Variants in C4BPA observed in about 807,000 individuals in gnomAD.
C4BPA encodes complement component 4 binding protein alpha, also known as C4b-binding protein alpha chain.
A neutral mutation model predicts 63.7 loss-of-function variants in C4BPA; 31 were observed. The observed-to-expected ratio is 0.49, with a 90% CI of 0.37 to 0.66. C4BPA has a LOEUF of 0.66. C4BPA is among the 30% of genes least tolerant of loss of function. The pLI is 0.00. For missense variants in C4BPA, 572 were observed against 723.3 expected, an observed-to-expected ratio of 0.79 and a Z score of 2.40; for synonymous variants, 259 against 254.7, an observed-to-expected ratio of 1.02 and a Z score of -0.16.
At chr1:207,118,147 C>T (rs1684843095) in intron 4 of C4BPA, among the ~76,000 whole-genome samples, 1 of 91,174 alleles carries the variant, frequency 1.1e-5, no homozygotes, top group South Asian at 4.8e-4. Context: ...GTCTGTCTGT[C>T]TGTCTGTCTG....
At chr1:207,107,018 G>A (rs1040977981) in intron 1 of C4BPA, among the ~76,000 whole-genome samples, 1 of 152,080 alleles carries the variant, frequency 6.6e-6, no homozygotes, top group Non-Finnish European at 1.5e-5. Context: ...AATGTATTTC[G>A]GGAGGCAAAA....
chr1:207,122,972 T>A (rs1230977660), intron 4 of C4BPA, among the ~76,000 whole-genome samples: 4 of 152,108 alleles, frequency 2.6e-5, no homozygotes, highest in African/African-American at 9.7e-5. Context: ...GTTACCTATA[T>A]CTATTAGTTT....
At chr1:207,120,516 A>G (rs1249234609) in intron 4 of C4BPA, among the ~76,000 whole-genome samples, 2 of 152,112 alleles carry the variant, frequency 1.3e-5, no homozygotes, top group Non-Finnish European at 2.9e-5. Flanking sequence ...TGTAATTCCA[A>G]CACTTTGAGA....
chr1:207,121,535 A>G lies in C4BPA; in HGVS notation c.429-2387A>G, dbSNP rs1329077071. Among the ~76,000 whole-genome samples the G allele has an allele frequency of 3.3e-5, 5 of 152,066 alleles. No individual in the cohort carries two copies. The East Asian group carries it at 7.7e-4, about 23-fold the overall frequency. On this transcript the variant is annotated intron_variant, in intron 4 of 11. Coordinates refer to ENST00000367070, the MANE Select transcript of C4BPA (RefSeq NM_000715.4). ...TTTAGGTTTGTCTCCTGTATATAAC[A>G]GAGCTGAATTTTCTCCAATTAAAAG...
rs1032711716 is a variant in C4BPA, at chr1:207,104,311, AT to A, written c.-143del. The A allele has an allele frequency of 6.6e-6, 1 of 152,230 alleles. No individual in the cohort carries two copies. The highest frequency in any genetic ancestry group is 2.4e-5 in the African/African-American group (1 of 41,456). The allele number at this position is 152,230 out of a possible 1,614,324, so 9.4% of individuals were successfully genotyped here. A position where few individuals can be genotyped will look rare whatever the true frequency, so the allele number is the denominator to read the frequency against. On this transcript the variant is annotated 5_prime_UTR_variant, in exon 1 of 12. An upstream open reading frame in the 5' UTR gains an earlier in-frame stop. Coordinates refer to ENST00000367070, the MANE Select transcript of C4BPA (RefSeq NM_000715.4). The stretch of plus-strand genomic sequence containing the variant: ...AGCAATTACCAGTCAACTTCAGGGT[AT>A]TATGATAAACTCTGATCTGGGGAGG...
Position 207,141,286 on chromosome 1 carries a change from G to C in C4BPA, c.1444+10G>C, listed in dbSNP as rs1209065302. ...GCCCCTCAATGTAAAGGTAACTCCA[G>C]CTTCCTTTTCAGCTCAAGATTAAGT... is the stretch of plus-strand genomic sequence containing the variant. On this transcript the variant is annotated intron_variant, in intron 10 of 11. Transcript: ENST00000367070. 10 of 1,608,836 alleles carry C rather than the reference G, an allele frequency of 6.2e-6. No homozygotes were observed. The highest frequency in any genetic ancestry group is 8.5e-6 in the Non-Finnish European group (10 of 1,178,028).
chr1:207,132,545 A>G (rs1685184202), intron 8 of C4BPA, among the ~76,000 whole-genome samples: 1 of 152,244 alleles, frequency 6.6e-6, no homozygotes, highest in African/African-American at 2.4e-5. Context: ...TCAACCTGTC[A>G]GAAGATTACT....
At chr1:207,127,366 A>C (rs2102344126) in intron 7 of C4BPA, 1 of 152,406 alleles carries the variant, frequency 6.6e-6, no homozygotes, top group East Asian at 1.9e-4. Context: ...CTCGTGGATT[A>C]TTAAAAATAA....
chr1:207,115,559 A>G (rs767682457), intron 4 of C4BPA, 44 bp downstream of exon 4: 1 of 1,030,588 alleles, frequency 9.7e-7, no homozygotes. Flanking sequence ...ATATTTATTT[A>G]AAAAATAGCT....
At chr1:207,137,327 G>A (rs766595667) in intron 9 of C4BPA, among the ~76,000 whole-genome samples, 1 of 152,200 alleles carries the variant, frequency 6.6e-6, no homozygotes, top group Non-Finnish European at 1.5e-5. Context: ...TTAAGGACGC[G>A]CCTGCGACAG....
Position 207,141,319 on chromosome 1 carries a change from C to T in C4BPA, c.1444+43C>T, listed in dbSNP as rs113069557. 2.8e-3 allele frequency: 4,391 copies of T among 1,542,664 alleles called. 121 individuals are homozygous for T. The African/African-American group carries it at 0.052, about 18-fold the overall frequency. On this transcript the variant is annotated intron_variant, in intron 10 of 11. Coordinates refer to ENST00000367070, the MANE Select transcript of C4BPA (RefSeq NM_000715.4). Reference sequence around the variant, plus strand: ...TTCAGCTCAAGATTAAGTGGGTGGACGTGTCCTGAGAGCACTGAGAGCTAA... The same window carrying T: ...TTCAGCTCAAGATTAAGTGGGTGGATGTGTCCTGAGAGCACTGAGAGCTAA...
chr1:207,124,930 G>A (rs776317202), intron 6 of C4BPA, among the ~76,000 whole-genome samples: 28 of 152,252 alleles, frequency 1.8e-4, no homozygotes, highest in East Asian at 5.8e-4. Flanking sequence ...TTCAAGAAGC[G>A]GAAATGAAAA....
intron 4 of C4BPA, among the ~76,000 whole-genome samples, chr1:207,118,133 A>ATCTGTCTG (rs60535065): frequency 5.2e-4 from 51 of 98,902 alleles, no homozygotes; most frequent in South Asian, 4.4e-3. Context: ...TCTATCATCT[A>ATCTGTCTG]TCTGTCTGTC....
chr1:207,121,479 T>G (rs1240313147), intron 4 of C4BPA, among the ~76,000 whole-genome samples: 1 of 152,062 alleles, frequency 6.6e-6, no homozygotes, highest in Non-Finnish European at 1.5e-5. Flanking sequence ...AATTTTATGC[T>G]GTCTTTTATT....
At chr1:207,136,083 T>C (rs1685274232) in intron 9 of C4BPA, among the ~76,000 whole-genome samples, 1 of 152,188 alleles carries the variant, frequency 6.6e-6, no homozygotes, top group South Asian at 2.1e-4. Context: ...TCCAATGTAG[T>C]CAACTTGCTA....
chr1:207,126,981 C>T (rs1558092952), intron 7 of C4BPA, 86 bp downstream of exon 7: 2 of 890,140 alleles, frequency 2.2e-6, no homozygotes, highest in South Asian at 1.9e-5. Flanking sequence ...CATGCATAGG[C>T]CTACTATGAA....
Position 207,104,350 on chromosome 1 carries a change from A to G in C4BPA, c.-106A>G, listed in dbSNP as rs193238186. On this transcript the variant is annotated 5_prime_UTR_variant, in exon 1 of 12. Coordinates refer to ENST00000367070, the MANE Select transcript of C4BPA (RefSeq NM_000715.4). ...TGATCTGGGGAGGAACCAGGACTAC[A>G]TAGATCAAGGCAGTTTTCTTCTTTG... The G allele has an allele frequency of 1.3e-5, 2 of 152,226 alleles. No individual in the cohort carries two copies. The highest frequency in any genetic ancestry group is 4.8e-5 in the African/African-American group (2 of 41,460). The allele number at this position is 152,226 out of a possible 1,614,324, so 9.4% of individuals were successfully genotyped here.
chr1:207,144,338 C>T (rs1685485134), intron 11 of C4BPA, among the ~76,000 whole-genome samples: 1 of 152,150 alleles, frequency 6.6e-6, no homozygotes, highest in African/African-American at 2.4e-5. Flanking sequence ...CCATGGGGGC[C>T]TTCTGGACAG....
rs1258396599 is a variant in C4BPA at position 207,113,015 on chromosome 1, A to G, written c.-11A>G. On this transcript the variant is annotated 5_prime_UTR_variant, in exon 2 of 12. Transcript: ENST00000367070. ...TCTTTCAGCAGAAAAACATCAGCGA[A>G]GCAGCAGGCCATGCACCCCCCAAAA... is the stretch of plus-strand genomic sequence containing the variant. 5 of 1,562,766 alleles carry G rather than the reference A, an allele frequency of 3.2e-6. No homozygotes were observed. The African/African-American group carries it at 7.0e-5, about 22-fold the overall frequency.
Sources: allele counts gnomAD v4.1 joint callset (sites outside exome capture counted in the v4.1 genomes callset), GRCh38; gene constraint gnomAD v4.1.1; transcripts MANE v1.5; gene names NCBI Gene and HGNC (gene_info 2026-07-23, HGNC 2026-07-21).